Variants in CDYL2 observed in about 807,000 individuals in gnomAD.
CDYL2 encodes chromodomain Y like 2, also known as chromodomain Y-like protein 2.
CDYL2 carries 23 observed loss-of-function variants against 49.4 expected under a neutral mutation model. The ratio of observed to expected loss-of-function variants is 0.47; its 90% CI spans 0.34 to 0.66. The LOEUF is 0.66. Ranked by LOEUF, CDYL2 falls within the 30% of genes least tolerant of loss-of-function variation. The probability of loss-of-function intolerance (pLI) is 0.01; values close to 1 mark genes in which losing one functional copy is unlikely to be tolerated. For missense variants in CDYL2, 678 were observed against 656.4 expected (o/e 1.03, Z -0.36); for synonymous variants, 360 against 268.8 (o/e 1.34, Z -3.32).
chr16:80,624,811 G>A (rs1907231838), intron 3 of CDYL2, among the ~76,000 whole-genome samples: 1 of 152,226 alleles, frequency 6.6e-6, no homozygotes, highest in South Asian at 2.1e-4. Context: ...CAAAGTCATG[G>A]ACATCTGCTG....
rs1397828174 is a variant in CDYL2 at position 80,750,623 on chromosome 16, G to A, written c.24+53527C>T. On this transcript the variant is annotated intron_variant, in intron 1 of 6. Coordinates refer to ENST00000570137, the MANE Select transcript of CDYL2 (RefSeq NM_152342.4). ...ATATATTATCAAAATTATTAGAGAG[G>A]AGGGAGAAAAATCTGACTAAGCTAA... is the stretch of plus-strand genomic sequence containing the variant. 9.2e-5 allele frequency among the ~76,000 whole-genome samples: 14 copies of A among 151,988 alleles called. No individual in the cohort carries two copies. In the East Asian group the frequency reaches 9.7e-4, roughly 10 times the overall value.
rs912242061 is a variant in CDYL2 at position 80,599,683 on chromosome 16, C to A, written c.*4705G>T. The A allele has an allele frequency of 2.6e-5, 4 of 152,172 alleles. No individual in the cohort carries two copies. Among genetic ancestry groups the A allele is most frequent in the African/African-American group, 9.7e-5 (4 of 41,424 alleles). 9.4% of individuals were successfully genotyped at this position (152,172 alleles called of 1,614,324 possible). On this transcript the variant is annotated 3_prime_UTR_variant, in exon 7 of 7. Transcript: ENST00000570137. ...TCTCTCAGGGAGTGCTGACCTTACC[C>A]AGAATGGACGTTTCCAAGTCATCGA...
intron 1 of CDYL2, among the ~76,000 whole-genome samples, chr16:80,688,616 CA>C (rs1167809237): frequency 6.6e-6 from 1 of 152,118 alleles, no homozygotes; most frequent in East Asian, 1.9e-4. Context: ...GGAATAACCA[CA>C]AAAAACTCAG....
intron 1 of CDYL2, among the ~76,000 whole-genome samples, chr16:80,773,678 GA>G (rs1372814012): frequency 1.3e-5 from 2 of 152,004 alleles, no homozygotes; most frequent in African/African-American, 4.8e-5. Context: ...TGAAAATTAA[GA>G]AATATACGTC....
chr16:80,728,015 A>C (rs1905220414), intron 1 of CDYL2, among the ~76,000 whole-genome samples: 1 of 152,224 alleles, frequency 6.6e-6, no homozygotes, highest in Admixed American at 6.5e-5. Flanking sequence ...CAGAGCAGAA[A>C]AACTGGAAAC....
At chr16:80,634,662 A>G (rs995545867) in intron 2 of CDYL2, among the ~76,000 whole-genome samples, 4 of 152,160 alleles carry the variant, frequency 2.6e-5, no homozygotes, top group Non-Finnish European at 5.9e-5. Flanking sequence ...AATAAAAATA[A>G]AAGGATAATA....
intron 4 of CDYL2, among the ~76,000 whole-genome samples, chr16:80,613,501 T>G (rs1906694757): frequency 6.6e-6 from 1 of 152,022 alleles, no homozygotes; most frequent in Non-Finnish European, 1.5e-5. Flanking sequence ...TCATCAAGGG[T>G]GGTTCTAAAA....
chr16:80,786,957 A>C (rs1024729835), intron 1 of CDYL2, among the ~76,000 whole-genome samples: 7 of 152,220 alleles, frequency 4.6e-5, no homozygotes, highest in South Asian at 2.1e-4. Flanking sequence ...ATTAGGAAAA[A>C]TACCTAATGT....
chr16:80,797,744 TTC>T (rs1348960203), intron 1 of CDYL2, among the ~76,000 whole-genome samples: 2 of 152,186 alleles, frequency 1.3e-5, no homozygotes, highest in Non-Finnish European at 2.9e-5. Flanking sequence ...CAAATGTTGA[TTC>T]TTTTTCAACC....
chr16:80,677,186 G>T (rs1007301000), intron 2 of CDYL2, among the ~76,000 whole-genome samples: 2 of 151,594 alleles, frequency 1.3e-5, no homozygotes, highest in Non-Finnish European at 2.9e-5. Context: ...TGCCCAGGCT[G>T]GTCTTGAACT....
chr16:80,722,352 T>A (rs1905025464), intron 1 of CDYL2, among the ~76,000 whole-genome samples: 1 of 152,110 alleles, frequency 6.6e-6, no homozygotes, highest in Non-Finnish European at 1.5e-5. Context: ...GTACATAAAA[T>A]AACAGAGCAT....
chr16:80,727,649 A>G (rs902304154), intron 1 of CDYL2, among the ~76,000 whole-genome samples: 8 of 152,236 alleles, frequency 5.3e-5, no homozygotes, highest in Non-Finnish European at 2.9e-5. Flanking sequence ...GGGGCAGGGC[A>G]CAGACAAAAC....
At chr16:80,642,333 C>T (rs939524348) in intron 2 of CDYL2, among the ~76,000 whole-genome samples, 1 of 152,108 alleles carries the variant, frequency 6.6e-6, no homozygotes, top group Non-Finnish European at 1.5e-5. Context: ...ATCCCAGCTA[C>T]TTGGGAGGCT....
intron 1 of CDYL2, among the ~76,000 whole-genome samples, chr16:80,737,401 C>T (rs1905574140): frequency 1.3e-5 from 2 of 152,136 alleles, no homozygotes; most frequent in South Asian, 4.1e-4. Flanking sequence ...TTTGCAGATT[C>T]AGGGGTTAAG....
At chr16:80,653,169 T>TA (rs1310149384) in intron 2 of CDYL2, among the ~76,000 whole-genome samples, 1 of 152,218 alleles carries the variant, frequency 6.6e-6, no homozygotes, top group East Asian at 1.9e-4. Flanking sequence ...TATAACTGGT[T>TA]AAAAAGTGAA....
intron 1 of CDYL2, among the ~76,000 whole-genome samples, chr16:80,789,124 C>CA (rs1204157315): frequency 6.6e-6 from 1 of 151,730 alleles, no homozygotes; most frequent in African/African-American, 2.4e-5. Flanking sequence ...AAAAAAACAA[C>CA]AGAGTTGGCT....
intron 1 of CDYL2, among the ~76,000 whole-genome samples, chr16:80,713,019 G>A (rs912392705): frequency 6.6e-6 from 1 of 152,138 alleles, no homozygotes; most frequent in Admixed American, 6.5e-5. Flanking sequence ...TTGTGGCTTC[G>A]CTCATTGTTT....
At chr16:80,739,299 G>A (rs896813953) in intron 1 of CDYL2, among the ~76,000 whole-genome samples, 1 of 152,156 alleles carries the variant, frequency 6.6e-6, no homozygotes, top group Admixed American at 6.5e-5. Flanking sequence ...ATTCAGTTTT[G>A]CAAGATGAAA....
intron 1 of CDYL2, among the ~76,000 whole-genome samples, chr16:80,783,581 A>C (rs950079347): frequency 1.3e-5 from 2 of 152,234 alleles, no homozygotes; most frequent in Admixed American, 1.3e-4. Context: ...AAGTGGAAAC[A>C]ACCTATGTCC....
Sources: allele counts gnomAD v4.1 joint callset (sites outside exome capture counted in the v4.1 genomes callset), GRCh38; gene constraint gnomAD v4.1.1; transcripts MANE v1.5; gene names NCBI Gene and HGNC (gene_info 2026-07-23, HGNC 2026-07-21).